The following CPNE2 variants were observed in gnomAD, a reference collection of about 807,000 sequenced individuals.
CPNE2 encodes copine 2, also known as copine-2.
In CPNE2, 42 loss-of-function variants were observed where a neutral mutation model predicts 69.7. The observed-to-expected ratio is 0.60, with a 90% confidence interval of 0.47 to 0.78. The LOEUF (loss-of-function observed/expected upper bound fraction) is 0.78, where lower values mean the gene tolerates loss of function less well. CPNE2 is among the 30% of genes least tolerant of loss of function. CPNE2 has a pLI of 0.00. For missense variants in CPNE2, 587 were observed against 732.0 expected, an observed-to-expected ratio of 0.80 and a Z score of 2.29; for synonymous variants, 294 against 289.8, an observed-to-expected ratio of 1.01 and a Z score of -0.15.
At chr16:57,140,574 T>G (rs1417029555) in intron 14 of CPNE2, among the ~76,000 whole-genome samples, 1 of 150,716 alleles carries the variant, frequency 6.6e-6, no homozygotes, top group Admixed American at 6.6e-5. Context: ...GGAGGGATAT[T>G]TTTTTTTTGA....
chr16:57,146,557 G>A lies in CPNE2; in HGVS notation c.1539+236G>A, dbSNP rs1298152543. On this transcript the variant is annotated intron_variant, in intron 15 of 15. Coordinates refer to ENST00000290776, the MANE Select transcript of CPNE2 (RefSeq NM_152727.6). The surrounding 1 kb of genome is among the most constrained non-coding windows in gnomAD (Gnocchi z 4.4). Reference sequence around the variant, plus strand: ...ACAAACTGATGGAACATGGAGCCGTGGGCATCTAGCCTGAGGCTCTGGGGC... The same window carrying A: ...ACAAACTGATGGAACATGGAGCCGTAGGCATCTAGCCTGAGGCTCTGGGGC... The A allele has an allele frequency of 3.8e-6, 2 of 529,258 alleles. No homozygotes were observed. The highest frequency in any genetic ancestry group is 2.1e-5 in the South Asian group (1 of 46,684). The allele number at this position is 529,258 out of a possible 1,614,324, so 32.8% of individuals were successfully genotyped here.
chr16:57,105,899 C>A (rs539261327), intron 1 of CPNE2, among the ~76,000 whole-genome samples: 1 of 152,262 alleles, frequency 6.6e-6, no homozygotes, highest in Non-Finnish European at 1.5e-5. Flanking sequence ...TGGGGGCTGC[C>A]CCAGAGGTGT....
chr16:57,106,868 T>C (rs2069651562), intron 1 of CPNE2, among the ~76,000 whole-genome samples: 1 of 152,194 alleles, frequency 6.6e-6, no homozygotes, highest in Non-Finnish European at 1.5e-5. Flanking sequence ...CCTGCCCGCT[T>C]AGCCTCAGGC....
At chr16:57,120,317 G>A (rs1467954976) in intron 7 of CPNE2, among the ~76,000 whole-genome samples, 2 of 151,402 alleles carry the variant, frequency 1.3e-5, no homozygotes, top group Non-Finnish European at 2.9e-5. Context: ...GCTCATGCCT[G>A]TAATCCCAGC....
intron 10 of CPNE2, 116 bp from the exon 11 acceptor site, chr16:57,125,739 TGGGGA>T (rs2069796146): frequency 2.5e-6 from 3 of 1,218,068 alleles, no homozygotes; most frequent in Admixed American, 2.4e-5. Flanking sequence ...CATCTTATTG[TGGGGA>T]GGGCTGGGAG....
At chr16:57,094,973 C>T (rs982678015) in intron 1 of CPNE2, among the ~76,000 whole-genome samples, 2 of 152,182 alleles carry the variant, frequency 1.3e-5, no homozygotes, top group Non-Finnish European at 2.9e-5. Flanking sequence ...GGCACGGTCC[C>T]GATCTGAGAA....
At chr16:57,101,993 C>T (rs1252234967) in intron 1 of CPNE2, among the ~76,000 whole-genome samples, 1 of 151,554 alleles carries the variant, frequency 6.6e-6, no homozygotes, top group East Asian at 1.9e-4. Flanking sequence ...GTTGCCCAGC[C>T]TGGAGTGCAG....
At chr16:57,119,167 C>G (rs375349068) in intron 5 of CPNE2, 28 bp from the exon 6 acceptor site, 1 of 1,603,012 alleles carries the variant, frequency 6.2e-7, no homozygotes, top group Non-Finnish European at 8.5e-7. Context: ...CTGTACCTCT[C>G]TCACCCGCAT....
In CPNE2 at chr16:57,113,389, G is replaced by T. The variant is rs762692320; in HGVS notation, c.282G>T (p.Ala94=). The part of the protein sequence containing the change: ...HFEEVQKLKF[A]LFDQDKSSMR... ...AGGAGGTACAGAAGCTCAAGTTCGC[G>T]CTCTTTGACCAGGACAAGTCCAGTA... Residue 94 remains alanine, a synonymous_variant, in exon 3 of 16, where the codon GCG becomes GCT. Transcript: ENST00000290776. 3 of 1,614,034 alleles carry T rather than the reference G, an allele frequency of 1.9e-6. No individual in the cohort carries two copies. The highest frequency in any genetic ancestry group is 2.5e-6 in the Non-Finnish European group (3 of 1,180,044).
intron 10 of CPNE2, chr16:57,124,122 C>T (rs79235145): frequency 0.031 from 5,061 of 164,882 alleles, 297 homozygotes; most frequent in South Asian, 0.16. Context: ...CATTCTGTCA[C>T]GTGGTCTAGA....
At chr16:57,103,911 G>C (rs2145237794) in intron 1 of CPNE2, among the ~76,000 whole-genome samples, 1 of 152,100 alleles carries the variant, frequency 6.6e-6, no homozygotes, top group East Asian at 1.9e-4. Context: ...CTCTTTTTTG[G>C]TTGTTGTTTT....
intron 1 of CPNE2, among the ~76,000 whole-genome samples, chr16:57,109,106 C>T (rs1483091881): frequency 1.3e-5 from 2 of 152,126 alleles, no homozygotes; most frequent in East Asian, 3.9e-4. Context: ...ATCCAGACCC[C>T]AAGAGAGGGT....
chr16:57,127,769 G>A, intron 11 of CPNE2, 80 bp from the exon 12 acceptor site: 1 of 1,392,540 alleles, frequency 7.2e-7, no homozygotes, highest in Non-Finnish European at 1.0e-6. Context: ...GTATGAGGCA[G>A]AGTGGGCCCA....
intron 1 of CPNE2, chr16:57,105,993 G>T (rs1460370606): frequency 6.5e-6 from 1 of 152,766 alleles, no homozygotes; most frequent in Non-Finnish European, 1.5e-5. Context: ...GGGGTAGGAG[G>T]GGAGGGGGCC....
intron 1 of CPNE2, among the ~76,000 whole-genome samples, chr16:57,097,690 G>A (rs551837479): frequency 8.5e-5 from 13 of 152,262 alleles, no homozygotes; most frequent in African/African-American, 2.4e-4. Flanking sequence ...AGCAGGTGAC[G>A]TCCCACCCAG....
intron 1 of CPNE2, among the ~76,000 whole-genome samples, chr16:57,102,365 C>T (rs1328486543): frequency 6.6e-6 from 1 of 152,180 alleles, no homozygotes; most frequent in Non-Finnish European, 1.5e-5. Context: ...TGAGACCCCA[C>T]TGCCAGGATA....
rs150869532 is a variant in CPNE2, at chr16:57,121,888, T to A, written c.867+128T>A. The stretch of plus-strand genomic sequence containing the variant: ...TCCCGGCTCTGCCACATCCTGGCCC[T>A]ATGGCCTTCTGAGCTTCACCTCACC... On this transcript the variant is annotated intron_variant, in intron 9 of 15. Transcript: ENST00000290776. 471 of 802,202 alleles carry A rather than the reference T, an allele frequency of 5.9e-4. 2 individuals are homozygous for A. In the African/African-American group the frequency reaches 6.9e-3, roughly 12 times the overall value. The allele number at this position is 802,202 out of a possible 1,614,324, so 49.7% of individuals were successfully genotyped here.
intron 11 of CPNE2, 50 bp from the exon 12 acceptor site, chr16:57,127,799 G>A (rs771806601): frequency 1.3e-6 from 2 of 1,590,064 alleles, no homozygotes; most frequent in Non-Finnish European, 8.6e-7. Context: ...AGAGGGTCGG[G>A]TGGTGTCCTC....
In CPNE2 at chr16:57,119,249, G is replaced by A; in HGVS notation, c.562G>A (p.Gly188Ser). The A allele has an allele frequency of 1.2e-6, 2 of 1,614,160 alleles. No homozygotes were observed. Among genetic ancestry groups the A allele is most frequent in the Non-Finnish European group, 1.7e-6 (2 of 1,180,040 alleles). ...GGAGTTTTATAAGCCAGGAGACGAT[G>A]GCAAGTGGATGCTGGTCCACAGGAC... Reference protein sequence around the residue: ...FLEFYKPGDDGKWMLVHRTEV... With the variant: ...FLEFYKPGDDSKWMLVHRTEV... Residue 188 changes from glycine to serine, a missense_variant, in exon 6 of 16, where the codon GGC (glycine) becomes AGC (serine). Around this residue, in one of 5 missense-constraint regions of CPNE2, gnomAD observed 269 missense variants for 300.5 expected, o/e 0.90. Coordinates refer to ENST00000290776, the MANE Select transcript of CPNE2 (RefSeq NM_152727.6).
Sources: gnomAD v4.1 joint callset for allele counts (sites outside exome capture counted in the v4.1 genomes callset) on GRCh38, gnomAD v4.1.1 for gene constraint, gnomAD v4.1.1 regional missense constraint, Gnocchi (gnomAD v3.1) non-coding constraint, MANE v1.5 for transcripts, NCBI Gene and HGNC (gene_info 2026-07-23, HGNC 2026-07-21) for gene names.